Variants in DPP6 observed in about 807,000 individuals in gnomAD.
DPP6 encodes dipeptidyl peptidase like 6.
In DPP6, 69 loss-of-function variants were observed where a neutral mutation model predicts 122.6. That is an observed-to-expected ratio of 0.56 (90% CI 0.46 to 0.69). The LOEUF (loss-of-function observed/expected upper bound fraction) is 0.69, where lower values mean the gene tolerates loss of function less well. Among genes scored for constraint, DPP6 ranks in the 30% least tolerant of loss-of-function variants. The probability of loss-of-function intolerance (pLI) is 0.00; values close to 1 mark genes in which losing one functional copy is unlikely to be tolerated. For missense variants in DPP6, 928 were observed against 1,116.9 expected (o/e 0.83, Z 2.41); for synonymous variants, 418 against 433.1 (o/e 0.97, Z 0.43).
At chr7:154,037,298 C>T (rs569955635) in intron 1 of DPP6, among the ~76,000 whole-genome samples, 5,496 of 151,156 alleles carry the variant, frequency 0.036, 310 homozygotes, top group African/African-American at 0.13. Context: ...ATTGGTATTC[C>T]GAAGTGTTCA....
intron 1 of DPP6, among the ~76,000 whole-genome samples, chr7:154,318,841 A>G (rs1192745887): frequency 6.6e-6 from 1 of 152,230 alleles, no homozygotes; most frequent in Non-Finnish European, 1.5e-5. Context: ...TAGAGAAAAA[A>G]GAAACAGCTT....
At chr7:153,795,222 C>A in the DPP6 span, among the ~76,000 whole-genome samples, 1 of 152,208 alleles carries the variant, frequency 6.6e-6, no homozygotes. Flanking sequence ...CGAGACCATC[C>A]TGGCCAACAT....
In DPP6 at chr7:154,174,435, T is replaced by C. The variant is rs78681383; in HGVS notation, c.243+121372T>C. Among the ~76,000 whole-genome samples, 592 of 152,334 alleles carry C rather than the reference T, an allele frequency of 3.9e-3. 4 individuals are homozygous for C. The highest frequency in any genetic ancestry group is 0.013 in the African/African-American group (556 of 41,570). The stretch of plus-strand genomic sequence containing the variant: ...GATCCACACAGCTGGAAACCAGATC[T>C]CCAGTGCACGGCACATTTTTATGCT... On this transcript the variant is annotated intron_variant, in intron 1 of 25. Coordinates refer to ENST00000377770, the MANE Select transcript of DPP6 (RefSeq NM_130797.4).
At chr7:154,199,617 T>C (rs1799061190) in intron 1 of DPP6, among the ~76,000 whole-genome samples, 1 of 151,542 alleles carries the variant, frequency 6.6e-6, no homozygotes, top group Non-Finnish European at 1.5e-5. Context: ...TTTTTTTTTT[T>C]CTTTTTTTTT....
rs79682306 is a variant in DPP6, at chr7:154,378,613, C to T, written c.244-67601C>T. Among the ~76,000 whole-genome samples, 1,377 of 152,316 alleles carry T rather than the reference C, an allele frequency of 9.0e-3. 16 individuals carry two copies. Among genetic ancestry groups the T allele is most frequent in the African/African-American group, 0.03 (1,252 of 41,562 alleles). ...AGAAAGAGAGAGAGAAGAGAAAACT[C>T]TCCTGTCTCATAAGGACACTAATCT... On this transcript the variant is annotated intron_variant, in intron 1 of 25. Transcript: ENST00000377770.
rs1328128100 is a variant in DPP6 at position 154,241,371 on chromosome 7, A to C, written c.243+188308A>C. ...GTTTCCCTGTTTTATCCAAATTCTC[A>C]GTGTTTTTAAAGATCCCATTCTGGC... On this transcript the variant is annotated intron_variant, in intron 1 of 25. Transcript: ENST00000377770. This position sits in a 1 kb window ranked among gnomAD's most constrained non-coding sequence, Gnocchi z 9.0. 6.6e-6 allele frequency among the ~76,000 whole-genome samples: 1 copy of C among 152,066 alleles called. No homozygotes were observed. The highest frequency in any genetic ancestry group is 1.5e-5 in the Non-Finnish European group (1 of 68,030).
chr7:153,987,331 G>A (rs1012526976), intron 1 of DPP6, among the ~76,000 whole-genome samples: 5 of 152,318 alleles, frequency 3.3e-5, no homozygotes, highest in Non-Finnish European at 4.4e-5. Flanking sequence ...ATTTGCTTAC[G>A]TTGAATCACT....
chr7:153,812,972 G>A, the DPP6 span, among the ~76,000 whole-genome samples: 1 of 151,972 alleles, frequency 6.6e-6, no homozygotes, highest in Non-Finnish European at 1.5e-5. Context: ...GGTCATTGAG[G>A]GTATAAAACG....
chr7:154,466,246 T>C (rs1355131425), intron 2 of DPP6, among the ~76,000 whole-genome samples: 1 of 152,094 alleles, frequency 6.6e-6, no homozygotes, highest in Non-Finnish European at 1.5e-5. Flanking sequence ...AGGAGAAATA[T>C]CTAATGTAGA....
chr7:154,076,203 G>A (rs1304754365), intron 1 of DPP6, among the ~76,000 whole-genome samples: 5 of 152,074 alleles, frequency 3.3e-5, no homozygotes, highest in Admixed American at 1.3e-4. Flanking sequence ...TAATCCCAGC[G>A]CTTTGGGAGG....
At chr7:154,425,613 TGTGTGTGG>T (rs1341007376) in intron 1 of DPP6, among the ~76,000 whole-genome samples, 304 of 130,364 alleles carry the variant, frequency 2.3e-3, no homozygotes, top group African/African-American at 0.011. Context: ...AATGTGTGTG[TGTGTGTGG>T]GTGTGTGTGT....
chr7:154,193,737 T>TAA (rs1391068900), intron 1 of DPP6, among the ~76,000 whole-genome samples: 2 of 152,038 alleles, frequency 1.3e-5, no homozygotes, highest in Non-Finnish European at 2.9e-5. Context: ...CTGTGAAGGA[T>TAA]GGGGAAAGAG....
In DPP6 at chr7:154,271,342, G is replaced by A. The variant is rs574971757; in HGVS notation, c.244-174872G>A. ...CAGCTCTACTATTGGTTGTGGTTGCGAACACATATATTGTTGCAAAGAGGA... is the reference window on the plus strand; with the variant it reads ...CAGCTCTACTATTGGTTGTGGTTGCAAACACATATATTGTTGCAAAGAGGA... On this transcript the variant is annotated intron_variant, in intron 1 of 25. Transcript: ENST00000377770. Among the ~76,000 whole-genome samples the A allele has an allele frequency of 1.6e-4, 22 of 140,682 alleles. No homozygotes were observed. In the East Asian group the frequency reaches 3.0e-3, roughly 19 times the overall value. The allele number at this position is 140,682 out of a possible 152,430, so 92.3% of individuals were successfully genotyped here.
chr7:154,508,583 G>A (rs566577443), intron 3 of DPP6, among the ~76,000 whole-genome samples: 1 of 152,170 alleles, frequency 6.6e-6, no homozygotes, highest in Non-Finnish European at 1.5e-5. Flanking sequence ...GAGAGCAGGG[G>A]AAATGTAGCC....
chr7:154,317,002 G>A (rs1348015585), intron 1 of DPP6, among the ~76,000 whole-genome samples: 1 of 152,104 alleles, frequency 6.6e-6, no homozygotes, highest in Admixed American at 6.6e-5. Flanking sequence ...TTACCAGTAT[G>A]GTAATTACAG....
At chr7:154,567,739 A>G (rs1434624040) in intron 5 of DPP6, among the ~76,000 whole-genome samples, 4 of 152,150 alleles carry the variant, frequency 2.6e-5, no homozygotes, top group African/African-American at 9.7e-5. Context: ...GTGAGGTGTA[A>G]TGACTCCTGC....
intron 18 of DPP6, among the ~76,000 whole-genome samples, chr7:154,870,142 A>C (rs933259482): frequency 8.5e-6 from 1 of 117,110 alleles, no homozygotes; most frequent in African/African-American, 3.7e-5. Flanking sequence ...ATGCCCAACT[A>C]ATTCTTTTTT....
chr7:154,061,767 C>A (rs183011898), intron 1 of DPP6, among the ~76,000 whole-genome samples: 1 of 80,274 alleles, frequency 1.2e-5, no homozygotes, highest in Non-Finnish European at 2.8e-5. Flanking sequence ...TCTTTGCACC[C>A]CCATCGCAGG....
intron 16 of DPP6, among the ~76,000 whole-genome samples, chr7:154,827,984 C>T (rs1376567772): frequency 2.0e-5 from 3 of 152,090 alleles, no homozygotes; most frequent in South Asian, 2.1e-4. Context: ...GGCACACCTG[C>T]GTGGTGCTGG....
Sources: allele counts gnomAD v4.1 joint callset (sites outside exome capture counted in the v4.1 genomes callset), GRCh38; gene constraint gnomAD v4.1.1; non-coding constraint Gnocchi (gnomAD v3.1); transcripts MANE v1.5; gene names NCBI Gene and HGNC (gene_info 2026-07-23, HGNC 2026-07-21).